GPR176: variants seen among roughly 807,000 people sequenced by gnomAD.
GPR176 encodes G protein-coupled receptor 176.
Under a neutral mutation model 35.4 loss-of-function variants are expected in GPR176, and 26 were observed. The observed-to-expected ratio is 0.74, with a 90% CI of 0.54 to 1.02. The LOEUF is 1.02. Ranked by LOEUF, GPR176 falls within the 50% of genes least tolerant of loss-of-function variation. The pLI, the probability that GPR176 is intolerant of heterozygous loss-of-function variation, is 0.00. For missense variants in GPR176, 597 were observed against 665.3 expected, an observed-to-expected ratio of 0.90 and a Z score of 1.13; for synonymous variants, 278 against 271.3, an observed-to-expected ratio of 1.02 and a Z score of -0.24.
intron 1 of GPR176, among the ~76,000 whole-genome samples, chr15:39,851,498 G>C (rs1252947006): frequency 6.6e-6 from 1 of 152,110 alleles, no homozygotes; most frequent in Non-Finnish European, 1.5e-5. Flanking sequence ...CCTGAGGTCA[G>C]ACAAGGGTGC....
intron 1 of GPR176, among the ~76,000 whole-genome samples, chr15:39,834,225 T>C (rs1901261939): frequency 6.6e-6 from 1 of 152,184 alleles, no homozygotes; most frequent in Non-Finnish European, 1.5e-5. Context: ...CAGCTCTGAA[T>C]ATTTCCAATT....
intron 1 of GPR176, among the ~76,000 whole-genome samples, chr15:39,893,945 G>A (rs2032983879): frequency 7.9e-6 from 1 of 126,892 alleles, no homozygotes; most frequent in African/African-American, 3.1e-5. Flanking sequence ...CGGGGCGGCT[G>A]GCCGGGCGGG....
At chr15:39,811,987 T>C (rs548496275) in intron 1 of GPR176, among the ~76,000 whole-genome samples, 1 of 152,284 alleles carries the variant, frequency 6.6e-6, no homozygotes, top group South Asian at 2.1e-4. Context: ...GCTCACAGTG[T>C]GACTGAATAT....
At chr15:39,810,876 C>A (rs1034338050) in intron 1 of GPR176, among the ~76,000 whole-genome samples, 3 of 152,116 alleles carry the variant, frequency 2.0e-5, no homozygotes, top group Non-Finnish European at 2.9e-5. Flanking sequence ...TAACAGTAAC[C>A]CCATAATAGA....
chr15:39,841,166 C>T (rs1248996732), intron 1 of GPR176, among the ~76,000 whole-genome samples: 1 of 152,060 alleles, frequency 6.6e-6, no homozygotes, highest in Non-Finnish European at 1.5e-5. Context: ...AATATGGCTG[C>T]AATTATTAAG....
intron 1 of GPR176, among the ~76,000 whole-genome samples, chr15:39,898,238 TC>T (rs1566966962): frequency 6.6e-6 from 1 of 152,078 alleles, no homozygotes; most frequent in Non-Finnish European, 1.5e-5. Context: ...GATTAAGTCT[TC>T]CCCTTTTTTT....
chr15:39,892,682 C>T (rs571642092), intron 1 of GPR176, among the ~76,000 whole-genome samples: 1 of 152,294 alleles, frequency 6.6e-6, no homozygotes, highest in African/African-American at 2.4e-5. Flanking sequence ...GAGGCAGGGA[C>T]TGGAGTGATG....
intron 1 of GPR176, among the ~76,000 whole-genome samples, chr15:39,873,813 C>T (rs556201294): frequency 1.3e-5 from 2 of 152,048 alleles, no homozygotes; most frequent in South Asian, 4.2e-4. Flanking sequence ...CTATTCTTGT[C>T]CCCCTTTTGG....
At chr15:39,892,862 A>G (rs193042992) in intron 1 of GPR176, among the ~76,000 whole-genome samples, 81 of 152,366 alleles carry the variant, frequency 5.3e-4, no homozygotes, top group Non-Finnish European at 1.0e-3. Flanking sequence ...GTTTTAAGCC[A>G]TTTGGTTTGT....
chr15:39,915,489 T>C (rs2033702903), intron 1 of GPR176, among the ~76,000 whole-genome samples: 1 of 152,188 alleles, frequency 6.6e-6, no homozygotes, highest in South Asian at 2.1e-4. Flanking sequence ...AAACATTCAG[T>C]CTATAAAGGA....
intron 1 of GPR176, among the ~76,000 whole-genome samples, chr15:39,830,257 A>G (rs1900977651): frequency 6.6e-6 from 1 of 152,262 alleles, no homozygotes; most frequent in African/African-American, 2.4e-5. Context: ...TTATTAATTT[A>G]TTAGACTGCA....
At position 39,801,205 on chromosome 15, in the gene GPR176, G is replaced by GAA. The variant is rs1310714796; in HGVS notation, c.1474_1475insTT (p.Pro492LeufsTer4). On this transcript the variant is annotated frameshift_variant, in exon 3 of 3. Transcript: ENST00000561100. LOFTEE classifies it high-confidence loss of function. The stretch of plus-strand genomic sequence containing the variant: ...CTTCCGCTCCACCCTGCCTACCTTG[G>GAA]GCACCTTTGTCTGGATCAGCTCTTC... 2.5e-6 allele frequency: 4 copies of GAA among 1,614,064 alleles called. No individual in the cohort carries two copies. Among genetic ancestry groups the GAA allele is most frequent in the Non-Finnish European group, 2.5e-6 (3 of 1,179,952 alleles).
intron 1 of GPR176, among the ~76,000 whole-genome samples, chr15:39,890,480 C>T (rs1265938710): frequency 1.3e-5 from 2 of 152,192 alleles, no homozygotes; most frequent in African/African-American, 4.8e-5. Context: ...ACGCCTTAGG[C>T]GCAGACCACT....
intron 1 of GPR176, among the ~76,000 whole-genome samples, chr15:39,867,192 T>C (rs781252834): frequency 6.6e-5 from 10 of 152,170 alleles, no homozygotes; most frequent in Non-Finnish European, 1.5e-4. Flanking sequence ...TTTACAGGTG[T>C]TCATGCCGGC....
At chr15:39,911,743 T>G (rs1253732225) in intron 1 of GPR176, among the ~76,000 whole-genome samples, 1 of 152,236 alleles carries the variant, frequency 6.6e-6, no homozygotes, top group Non-Finnish European at 1.5e-5. Flanking sequence ...TACAGTATGT[T>G]AAGGGAGGTT....
chr15:39,838,363 G>A (rs1901536918), intron 1 of GPR176, among the ~76,000 whole-genome samples: 2 of 151,966 alleles, frequency 1.3e-5, no homozygotes, highest in Non-Finnish European at 2.9e-5. Context: ...TCTTACTATT[G>A]TAGACTAAAA....
At chr15:39,882,062 A>ACAAAATAATG (rs1414396839) in intron 1 of GPR176, among the ~76,000 whole-genome samples, 1 of 152,256 alleles carries the variant, frequency 6.6e-6, no homozygotes. Context: ...CAAAACAAGT[A>ACAAAATAATG]CAAAATAATG....
chr15:39,809,404 A>T (rs1899396575), intron 1 of GPR176, among the ~76,000 whole-genome samples: 1 of 152,174 alleles, frequency 6.6e-6, no homozygotes, highest in Non-Finnish European at 1.5e-5. Flanking sequence ...GTGCGTGTGC[A>T]TGTACATGTG....
chr15:39,817,235 G>T (rs1211811235), intron 1 of GPR176, among the ~76,000 whole-genome samples: 1 of 152,160 alleles, frequency 6.6e-6, no homozygotes. Context: ...CTAGAAAGCA[G>T]TGAAAGCATT....
Sources: allele counts gnomAD v4.1 joint callset (sites outside exome capture counted in the v4.1 genomes callset), GRCh38; gene constraint gnomAD v4.1.1; transcripts MANE v1.5; gene names NCBI Gene and HGNC (gene_info 2026-07-23, HGNC 2026-07-21).